KIF20B: variants seen among roughly 807,000 people sequenced by gnomAD.
The protein encoded by KIF20B is kinesin family member 20B, also known as kinesin-like protein KIF20B.
Under a neutral mutation model 232.5 loss-of-function variants are expected in KIF20B, and 188 were observed. The ratio of observed to expected loss-of-function variants is 0.81; its 90% confidence interval spans 0.72 to 0.91. The LOEUF is 0.91. KIF20B is among the 40% of genes least tolerant of loss of function. KIF20B has a pLI of 0.00. For synonymous variants in KIF20B, 712 were observed against 683.0 expected (o/e 1.04, Z -0.66); for missense variants, 2,154 against 2,055.9 (o/e 1.05, Z -0.92).
chr10:89,745,626 C>T (rs67827533), intron 22 of KIF20B, among the ~76,000 whole-genome samples: 28,036 of 151,470 alleles, frequency 0.19, 3,123 homozygotes, highest in East Asian at 0.35. Context: ...GATGGAGTCT[C>T]GCTTTGTCGC....
At position 89,711,038 on chromosome 10, in the gene KIF20B, A is replaced by G; in HGVS notation, c.568A>G (p.Lys190Glu). The G allele has an allele frequency of 1.2e-6, 2 of 1,610,056 alleles. No individual in the cohort carries two copies. Among genetic ancestry groups the G allele is most frequent in the South Asian group, 1.1e-5 (1 of 90,586 alleles). Reference sequence around the variant, plus strand: ...TAGTCTTCAAGAAAGACTGTATACAAAGATGAACCTTAAACCACATAGATC... The same window carrying G: ...TAGTCTTCAAGAAAGACTGTATACAGAGATGAACCTTAAACCACATAGATC... ...FDSLQERLYTKMNLKPHRSRE... is the reference protein window; with the variant it reads ...FDSLQERLYTEMNLKPHRSRE... Residue 190 changes from lysine to glutamate, a missense_variant, in exon 6 of 33, where the codon AAG becomes GAG. Transcript: ENST00000371728.
intron 13 of KIF20B, among the ~76,000 whole-genome samples, chr10:89,721,359 A>G (rs1266376799): frequency 3.9e-5 from 6 of 152,146 alleles, no homozygotes; most frequent in Non-Finnish European, 8.8e-5. Context: ...GTACCTCCTC[A>G]GTGACGAAAG....
chr10:89,707,825 G>C (rs779305867), intron 2 of KIF20B, among the ~76,000 whole-genome samples: 1 of 152,150 alleles, frequency 6.6e-6, no homozygotes, highest in South Asian at 2.1e-4. Context: ...ATCAGGATGA[G>C]GAAGTTTGCA....
intron 19 of KIF20B, among the ~76,000 whole-genome samples, chr10:89,736,786 G>A (rs1841663335): frequency 6.6e-6 from 1 of 151,990 alleles, no homozygotes; most frequent in Admixed American, 6.6e-5. Context: ...TGAGATAGGT[G>A]GTATTATTCC....
rs545967602 is a variant in KIF20B, at chr10:89,744,705, TA to T, written c.4035+786del. 1.6e-3 allele frequency among the ~76,000 whole-genome samples: 243 copies of T among 152,016 alleles called. 2 individuals carry two copies. Among genetic ancestry groups the T allele is most frequent in the Non-Finnish European group, 2.8e-3 (188 of 67,930 alleles). On this transcript the variant is annotated intron_variant, in intron 22 of 32. Coordinates refer to ENST00000371728, the MANE Select transcript of KIF20B (RefSeq NM_001284259.2). ...ATCAACCAAATGGATGAGGCAACAATAAAAAAAATACATTTGTTATATTATT... is the reference window on the plus strand; with the variant it reads ...ATCAACCAAATGGATGAGGCAACAATAAAAAAATACATTTGTTATATTATT...
At chr10:89,730,746 A>G (rs1041535808) in intron 18 of KIF20B, among the ~76,000 whole-genome samples, 1 of 152,218 alleles carries the variant, frequency 6.6e-6, no homozygotes. Context: ...TAGGAGTAGT[A>G]GAATAGGATA....
At chr10:89,756,056 A>G (rs1842113424) in intron 26 of KIF20B, among the ~76,000 whole-genome samples, 1 of 152,060 alleles carries the variant, frequency 6.6e-6, no homozygotes, top group Non-Finnish European at 1.5e-5. Flanking sequence ...TGCTTGCTAA[A>G]CTCCAGACCA....
rs111844965 is a variant in KIF20B at position 89,754,429 on chromosome 10, A to C, written c.4348-89A>C. On this transcript the variant is annotated intron_variant, in intron 25 of 32. Transcript: ENST00000371728. ...ACATTAAAGTTTTTATAGAGGTGAA[A>C]AGTAATGGATTGTATGAAAATGTTA... The C allele has an allele frequency of 2.2e-5, 17 of 758,430 alleles. No individual in the cohort carries two copies. In the South Asian group the frequency reaches 7.8e-4, roughly 35 times the overall value. 47.0% of individuals were successfully genotyped at this position (758,430 alleles called of 1,614,324 possible).
In KIF20B at chr10:89,774,335, G is replaced by A. The variant is rs11185877; in HGVS notation, c.*287G>A. 6 of 202,294 alleles carry A rather than the reference G, an allele frequency of 3.0e-5. No homozygotes were observed. The East Asian group carries it at 6.6e-4, about 22-fold the overall frequency. 12.5% of individuals were successfully genotyped at this position (202,294 alleles called of 1,614,324 possible). Reference sequence around the variant, plus strand: ...TTATTCTCATTTATTTTGCTATACAGGATGTAATAGGTCAGGTATTTGGTT... The same window carrying A: ...TTATTCTCATTTATTTTGCTATACAAGATGTAATAGGTCAGGTATTTGGTT... On this transcript the variant is annotated 3_prime_UTR_variant, in exon 33 of 33. Transcript: ENST00000371728.
chr10:89,759,161 A>C (rs1488311939), intron 27 of KIF20B, among the ~76,000 whole-genome samples: 2 of 152,066 alleles, frequency 1.3e-5, no homozygotes, highest in African/African-American at 4.8e-5. Context: ...AGTAATTAGA[A>C]AATCAACAAT....
chr10:89,726,586 A>G (rs1843192403), intron 16 of KIF20B, 65 bp downstream of exon 16: 4 of 1,325,098 alleles, frequency 3.0e-6, no homozygotes, highest in Admixed American at 5.7e-5. Flanking sequence ...CTTGGTAAGT[A>G]TAAGAGATTT....
chr10:89,763,021 C>T (rs10881660), intron 29 of KIF20B, among the ~76,000 whole-genome samples, 186 bp downstream of exon 29: 46,947 of 152,006 alleles, frequency 0.31, 8,160 homozygotes, highest in African/African-American at 0.46. Flanking sequence ...GTGACTCATG[C>T]CTGTAATCCC....
At chr10:89,742,454 A>G (rs1164983991) in intron 21 of KIF20B, among the ~76,000 whole-genome samples, 1 of 152,208 alleles carries the variant, frequency 6.6e-6, no homozygotes, top group African/African-American at 2.4e-5. Flanking sequence ...TGCTAGAGCC[A>G]GAATGGAAAC....
In KIF20B at chr10:89,719,537, C is replaced by T. The variant is rs1444964039; in HGVS notation, c.1553C>T (p.Ala518Val). ...AGTAAAATATTAAATGTAAAAAGAG[C>T]CACCATTTCATGGGAAAATAGTCTA... Reference protein sequence around the residue: ...SNSKILNVKRATISWENSLED... With the variant: ...SNSKILNVKRVTISWENSLED... The change falls in exon 13 of 33, where the codon GCC becomes GTC. Residue 518 changes from alanine (A) to valine (V), a missense_variant. Ala to Val is a moderately conservative substitution (Grantham distance 64). Coordinates refer to ENST00000371728, the MANE Select transcript of KIF20B (RefSeq NM_001284259.2). 1.2e-6 allele frequency: 2 copies of T among 1,612,558 alleles called. No individual in the cohort carries two copies. The highest frequency in any genetic ancestry group is 3.3e-5 in the Admixed American group (2 of 59,934).
At chr10:89,707,480 G>A (rs534124001) in intron 2 of KIF20B, among the ~76,000 whole-genome samples, 27 of 151,182 alleles carry the variant, frequency 1.8e-4, no homozygotes, top group African/African-American at 6.3e-4. Context: ...GATGACTTTT[G>A]TCTTTTCATT....
At chr10:89,714,474 CA>C (rs199662992) in intron 7 of KIF20B, among the ~76,000 whole-genome samples, 13 of 146,938 alleles carry the variant, frequency 8.8e-5, no homozygotes, top group Non-Finnish European at 1.1e-4. Context: ...GAAACTGTCT[CA>C]AAAAAAAAAA....
At chr10:89,707,242 C>T (rs1012748828) in intron 2 of KIF20B, among the ~76,000 whole-genome samples, 3 of 152,128 alleles carry the variant, frequency 2.0e-5, no homozygotes, top group African/African-American at 2.4e-5. Context: ...TTGACATGTG[C>T]ATACACTTAT....
chr10:89,725,136 G>A lies in KIF20B; in HGVS notation c.1979G>A (p.Cys660Tyr), dbSNP rs1843153533. The A allele has an allele frequency of 6.2e-7, 1 of 1,613,904 alleles. No homozygotes were observed. The highest frequency in any genetic ancestry group is 8.5e-7 in the Non-Finnish European group (1 of 1,179,936). The change falls in exon 15 of 33, where the codon TGT becomes TAT. Residue 660 changes from cysteine (C) to tyrosine (Y), a missense_variant. Cys to Tyr is a radical substitution (Grantham distance 194). Coordinates refer to ENST00000371728, the MANE Select transcript of KIF20B (RefSeq NM_001284259.2). The stretch of plus-strand genomic sequence containing the variant: ...CGAGAAGAAGCAGCGAAAGACATTT[G>A]TGCCACAAAAGTTGAAACTGAAGTA... Reference protein sequence around the residue: ...DTREEAAKDICATKVETEETH... With the variant: ...DTREEAAKDIYATKVETEETH...
intron 29 of KIF20B, 70 bp downstream of exon 29, chr10:89,762,905 A>G (rs1842276395): frequency 8.9e-7 from 1 of 1,118,034 alleles, no homozygotes. Context: ...TATAGAGTTA[A>G]ACTGCTATAT....
Sources: gnomAD v4.1 joint callset for allele counts (sites outside exome capture counted in the v4.1 genomes callset) on GRCh38, gnomAD v4.1.1 for gene constraint, MANE v1.5 for transcripts, NCBI Gene and HGNC (gene_info 2026-07-23, HGNC 2026-07-21) for gene names.